Variants in TRIM44 observed in about 807,000 individuals in gnomAD.
TRIM44 encodes the protein tripartite motif-containing protein 44.
A neutral mutation model predicts 37.4 loss-of-function variants in TRIM44; 13 were observed. The ratio of observed to expected loss-of-function variants is 0.35; its 90% confidence interval spans 0.23 to 0.55. The LOEUF (loss-of-function observed/expected upper bound fraction) is 0.55, where lower values mean the gene tolerates loss of function less well. Among genes scored for constraint, TRIM44 ranks in the 20% least tolerant of loss-of-function variants. The pLI is 0.89. For synonymous variants in TRIM44, 175 were observed against 157.2 expected (o/e 1.11, Z -0.85); for missense variants, 426 against 437.2 (o/e 0.97, Z 0.23).
chr11:35,805,800 A>G lies in TRIM44; in HGVS notation c.1008-558A>G, dbSNP rs180893551. ...TGATAAGGCCTATGACAGACATAAG[A>G]TAGAGAATCACCAGGGAGTCCTACT... On this transcript the variant is annotated intron_variant, in intron 4 of 4. Transcript: ENST00000299413. 4.5e-4 allele frequency among the ~76,000 whole-genome samples: 68 copies of G among 150,962 alleles called. 2 individuals carry two copies. The South Asian group carries it at 9.1e-3, about 20-fold the overall frequency.
intron 2 of TRIM44, among the ~76,000 whole-genome samples, chr11:35,686,739 C>T (rs1445313136): frequency 2.6e-5 from 4 of 151,936 alleles, no homozygotes; most frequent in Non-Finnish European, 5.9e-5. Context: ...TGTGTTTTTA[C>T]TAGCGACAGA....
At chr11:35,805,196 T>C (rs2048572) in intron 4 of TRIM44, among the ~76,000 whole-genome samples, 49,384 of 152,066 alleles carry the variant, frequency 0.32, 8,561 homozygotes, top group Admixed American at 0.42. Context: ...GGGATAATAA[T>C]AGCCCCTACA....
At chr11:35,677,654 A>G (rs945184142) in intron 1 of TRIM44, among the ~76,000 whole-genome samples, 1 of 152,092 alleles carries the variant, frequency 6.6e-6, no homozygotes, top group Admixed American at 6.6e-5. Context: ...AGTTAGTGGC[A>G]TTTCTTTTCT....
Position 35,663,049 on chromosome 11 carries a change from C to G in TRIM44, c.-63C>G. Reference sequence around the variant, plus strand: ...CCCGGGGCGGGAGGAGGAAGTGAGGCCGCGCGGAAGGAAGGCGGCGAGCCC... The same window carrying G: ...CCCGGGGCGGGAGGAGGAAGTGAGGGCGCGCGGAAGGAAGGCGGCGAGCCC... On this transcript the variant is annotated 5_prime_UTR_variant, in exon 1 of 5. Transcript: ENST00000299413. 6.9e-7 allele frequency: 1 copy of G among 1,453,370 alleles called. No individual in the cohort carries two copies. The highest frequency in any genetic ancestry group is 9.0e-7 in the Non-Finnish European group (1 of 1,109,948). 90.0% of individuals were successfully genotyped at this position (1,453,370 alleles called of 1,614,324 possible).
intron 2 of TRIM44, among the ~76,000 whole-genome samples, chr11:35,694,998 A>G (rs1221728167): frequency 6.6e-6 from 1 of 152,188 alleles, no homozygotes; most frequent in Non-Finnish European, 1.5e-5. Flanking sequence ...GAAAACATGC[A>G]TTGAAAATAA....
intron 4 of TRIM44, among the ~76,000 whole-genome samples, chr11:35,776,149 C>T (rs908975189): frequency 2.0e-5 from 3 of 152,070 alleles, no homozygotes; most frequent in Non-Finnish European, 2.9e-5. Context: ...ATTTCAGAGC[C>T]TGTTATTGGT....
intron 4 of TRIM44, among the ~76,000 whole-genome samples, chr11:35,764,926 T>A (rs1012198299): frequency 2.8e-4 from 43 of 151,594 alleles, no homozygotes; most frequent in South Asian, 4.2e-4. Context: ...TTAATTTTTT[T>A]AAAAAAAAAC....
chr11:35,799,496 A>G (rs1853338224), intron 4 of TRIM44, among the ~76,000 whole-genome samples: 1 of 152,178 alleles, frequency 6.6e-6, no homozygotes, highest in Non-Finnish European at 1.5e-5. Flanking sequence ...ACGTGCTTGT[A>G]TCTTCCATCT....
intron 3 of TRIM44, among the ~76,000 whole-genome samples, chr11:35,727,571 T>C (rs1050289559): frequency 5.9e-5 from 9 of 152,206 alleles, no homozygotes; most frequent in African/African-American, 2.2e-4. Context: ...CTCCCCATAA[T>C]TGAGAAATTA....
chr11:35,800,230 G>A (rs1024124355), intron 4 of TRIM44, among the ~76,000 whole-genome samples: 3 of 152,286 alleles, frequency 2.0e-5, no homozygotes, highest in East Asian at 1.9e-4. Flanking sequence ...GGACCTTCAC[G>A]GCGAGTGTTA....
At chr11:35,755,875 G>A (rs1852630730) in intron 4 of TRIM44, among the ~76,000 whole-genome samples, 1 of 152,212 alleles carries the variant, frequency 6.6e-6, no homozygotes, top group Admixed American at 6.5e-5. Flanking sequence ...TCTCTGTTTT[G>A]GTACCAGTAC....
At chr11:35,766,104 T>A (rs1363043851) in intron 4 of TRIM44, among the ~76,000 whole-genome samples, 1 of 152,190 alleles carries the variant, frequency 6.6e-6, no homozygotes, top group African/African-American at 2.4e-5. Flanking sequence ...ACTCTCTACC[T>A]TCCAGAACAG....
chr11:35,700,640 T>TA (rs1166116941), intron 2 of TRIM44, among the ~76,000 whole-genome samples: 1 of 152,238 alleles, frequency 6.6e-6, no homozygotes, highest in Admixed American at 6.5e-5. Flanking sequence ...ATCCCTCTCT[T>TA]TAAACAACCA....
intron 4 of TRIM44, among the ~76,000 whole-genome samples, chr11:35,755,854 A>G (rs1852630332): frequency 1.3e-5 from 2 of 152,080 alleles, no homozygotes; most frequent in Admixed American, 6.5e-5. Flanking sequence ...GTTCTGTTCC[A>G]TTGGTCTATA....
intron 4 of TRIM44, among the ~76,000 whole-genome samples, chr11:35,777,009 T>A (rs1306223667): frequency 6.6e-6 from 1 of 152,200 alleles, no homozygotes; most frequent in African/African-American, 2.4e-5. Flanking sequence ...CTGGATATCC[T>A]TGTTAACCTT....
chr11:35,738,874 T>G (rs201519242), intron 4 of TRIM44, among the ~76,000 whole-genome samples: 1 of 152,256 alleles, frequency 6.6e-6, no homozygotes, highest in Non-Finnish European at 1.5e-5. Flanking sequence ...AGCATTCTTT[T>G]CACACAGCCA....
intron 1 of TRIM44, 75 bp downstream of exon 1, chr11:35,663,855 AC>A: frequency 6.7e-7 from 1 of 1,497,048 alleles, no homozygotes; most frequent in Non-Finnish European, 8.9e-7. Context: ...CCTGGCTGTG[AC>A]CACATTCGCT....
chr11:35,689,479 G>A lies in TRIM44; in HGVS notation c.747+4143G>A, dbSNP rs546792709. On this transcript the variant is annotated intron_variant, in intron 2 of 4. Coordinates refer to ENST00000299413, the MANE Select transcript of TRIM44 (RefSeq NM_017583.6). ...TAGGAAATGGTCTTTTACATAATACGCTGTCCTAATGTGTTTGACTTGGTT... is the reference window on the plus strand; with the variant it reads ...TAGGAAATGGTCTTTTACATAATACACTGTCCTAATGTGTTTGACTTGGTT... Among the ~76,000 whole-genome samples the A allele has an allele frequency of 2.6e-5, 4 of 152,096 alleles. No individual in the cohort carries two copies. In the South Asian group the frequency reaches 8.3e-4, roughly 32 times the overall value.
intron 3 of TRIM44, among the ~76,000 whole-genome samples, chr11:35,732,370 C>T (rs1428282568): frequency 1.3e-5 from 2 of 152,154 alleles, no homozygotes; most frequent in Admixed American, 1.3e-4. Flanking sequence ...TCTAACAAGT[C>T]ATTTAAATGG....
Sources: gnomAD v4.1 joint callset for allele counts (sites outside exome capture counted in the v4.1 genomes callset) on GRCh38, gnomAD v4.1.1 for gene constraint, MANE v1.5 for transcripts, NCBI Gene and HGNC (gene_info 2026-07-23, HGNC 2026-07-21) for gene names.